STXBP5L: variants seen among roughly 807,000 people sequenced by gnomAD.
The protein encoded by STXBP5L is syntaxin-binding protein 5-like.
In STXBP5L, 65 loss-of-function variants were observed where a neutral mutation model predicts 144.5. That is an observed-to-expected ratio of 0.45 (90% CI 0.37 to 0.55). The LOEUF (loss-of-function observed/expected upper bound fraction) is 0.55, where lower values mean the gene tolerates loss of function less well. Among genes scored for constraint, STXBP5L ranks in the 20% least tolerant of loss-of-function variants. The probability of loss-of-function intolerance (pLI) is 0.00; values close to 1 mark genes in which losing one functional copy is unlikely to be tolerated. For missense variants in STXBP5L, 1,298 were observed against 1,405.5 expected (o/e 0.92, Z 1.22); for synonymous variants, 505 against 469.6 (o/e 1.08, Z -0.97).
At chr3:120,982,945 G>A (rs1303703617) in intron 3 of STXBP5L, among the ~76,000 whole-genome samples, 1 of 152,150 alleles carries the variant, frequency 6.6e-6, no homozygotes, top group Non-Finnish European at 1.5e-5. Flanking sequence ...GGAGTGGGCT[G>A]GTCCCCAGTC....
chr3:121,268,705 G>A (rs1193550757), intron 18 of STXBP5L, among the ~76,000 whole-genome samples: 5 of 151,910 alleles, frequency 3.3e-5, no homozygotes, highest in African/African-American at 4.8e-5. Context: ...GAAAAACCAC[G>A]GCCACTTTCT....
chr3:121,088,299 C>G (rs1401606078), intron 5 of STXBP5L, among the ~76,000 whole-genome samples: 1 of 119,900 alleles, frequency 8.3e-6, no homozygotes, highest in Non-Finnish European at 1.7e-5. Flanking sequence ...ACAGACACTT[C>G]TCAAAAGAAG....
chr3:121,311,987 A>G (rs977129919), intron 19 of STXBP5L, among the ~76,000 whole-genome samples: 1 of 152,246 alleles, frequency 6.6e-6, no homozygotes, highest in Non-Finnish European at 1.5e-5. Context: ...ACTGGTACCA[A>G]AACAGAGATA....
intron 19 of STXBP5L, among the ~76,000 whole-genome samples, chr3:121,307,098 A>G (rs111384932): frequency 1.3e-5 from 2 of 152,198 alleles, no homozygotes; most frequent in Non-Finnish European, 2.9e-5. Context: ...AAGTCTTCAC[A>G]ATGTAGAGGA....
At chr3:120,986,945 G>T (rs574658875) in intron 3 of STXBP5L, among the ~76,000 whole-genome samples, 2 of 152,032 alleles carry the variant, frequency 1.3e-5, no homozygotes, top group East Asian at 1.9e-4. Context: ...AGGGACCTGT[G>T]GGACACCATC....
At chr3:121,138,295 G>A (rs2045351903) in intron 7 of STXBP5L, among the ~76,000 whole-genome samples, 1 of 151,944 alleles carries the variant, frequency 6.6e-6, no homozygotes, top group Non-Finnish European at 1.5e-5. Flanking sequence ...CATATTCAAG[G>A]ATTAGGAGAA....
chr3:121,082,029 A>C (rs1297415834), intron 5 of STXBP5L, among the ~76,000 whole-genome samples: 1 of 152,218 alleles, frequency 6.6e-6, no homozygotes, highest in Non-Finnish European at 1.5e-5. Flanking sequence ...ACCATACAGT[A>C]AGCTTTAAAA....
chr3:121,374,746 A>G (rs1445051491), intron 20 of STXBP5L, among the ~76,000 whole-genome samples: 2 of 152,104 alleles, frequency 1.3e-5, no homozygotes, highest in Non-Finnish European at 2.9e-5. Flanking sequence ...GTCTTTTGAA[A>G]TAACCCAATC....
At chr3:121,315,135 G>A (rs935275218) in intron 19 of STXBP5L, among the ~76,000 whole-genome samples, 14 of 152,048 alleles carry the variant, frequency 9.2e-5, no homozygotes, top group African/African-American at 3.4e-4. Context: ...CCATTACTGG[G>A]TATATACCCA....
chr3:121,278,845 G>C (rs1412487501), intron 18 of STXBP5L, among the ~76,000 whole-genome samples: 1 of 151,262 alleles, frequency 6.6e-6, no homozygotes, highest in African/African-American at 2.4e-5. Flanking sequence ...AGTTTCCAAA[G>C]TTTGTCTTAC....
chr3:121,078,591 C>G (rs1254476805), intron 5 of STXBP5L, among the ~76,000 whole-genome samples: 2 of 152,234 alleles, frequency 1.3e-5, no homozygotes, highest in Non-Finnish European at 2.9e-5. Flanking sequence ...GGGTGGTGCT[C>G]TTTGGGGAGG....
chr3:121,198,666 G>A (rs2048016710), intron 9 of STXBP5L, among the ~76,000 whole-genome samples: 1 of 152,152 alleles, frequency 6.6e-6, no homozygotes, highest in African/African-American at 2.4e-5. Context: ...TTTGTATAAG[G>A]TGTAAGGAGT....
intron 7 of STXBP5L, among the ~76,000 whole-genome samples, chr3:121,149,697 A>G (rs952138691): frequency 6.6e-6 from 1 of 152,040 alleles, no homozygotes; most frequent in Non-Finnish European, 1.5e-5. Flanking sequence ...CCCATATAAA[A>G]TAGCAATAAG....
chr3:121,312,446 C>CTTTTTTTTTTTTTTTTTTTTTTT (rs58989280), intron 19 of STXBP5L, among the ~76,000 whole-genome samples: 3 of 12,752 alleles, frequency 2.4e-4, no homozygotes, highest in Admixed American at 2.0e-3. Context: ...GTATGTCAAT[C>CTTTTTTTTTTTTTTTTTTTTTTT]TTTTTTTTTT....
intron 9 of STXBP5L, among the ~76,000 whole-genome samples, chr3:121,191,425 G>T (rs2047677805): frequency 6.6e-6 from 1 of 152,194 alleles, no homozygotes. Flanking sequence ...TGCAATCCCA[G>T]GCATTCGGCA....
intron 7 of STXBP5L, among the ~76,000 whole-genome samples, chr3:121,139,667 C>T (rs930072132): frequency 6.6e-6 from 1 of 152,016 alleles, no homozygotes; most frequent in Admixed American, 6.6e-5. Context: ...ACATTAACCT[C>T]ATCACCATCA....
chr3:121,136,701 A>G (rs2045271779), intron 7 of STXBP5L, among the ~76,000 whole-genome samples: 1 of 152,220 alleles, frequency 6.6e-6, no homozygotes, highest in Non-Finnish European at 1.5e-5. Flanking sequence ...CAGAGCTACC[A>G]TTTGATCCAA....
At chr3:121,179,383 A>G (rs2047054059) in intron 9 of STXBP5L, among the ~76,000 whole-genome samples, 1 of 152,188 alleles carries the variant, frequency 6.6e-6, no homozygotes, top group Non-Finnish European at 1.5e-5. Flanking sequence ...TAAAAGTATG[A>G]TCCATAAGAG....
intron 3 of STXBP5L, among the ~76,000 whole-genome samples, chr3:120,992,505 G>A (rs1576597724): frequency 6.6e-6 from 1 of 151,858 alleles, no homozygotes; most frequent in East Asian, 1.9e-4. Context: ...CTACCTTCAT[G>A]AGATCAATTT....
Sources: allele counts gnomAD v4.1 joint callset (sites outside exome capture counted in the v4.1 genomes callset), GRCh38; gene constraint gnomAD v4.1.1; transcripts MANE v1.5; gene names NCBI Gene and HGNC (gene_info 2026-07-23, HGNC 2026-07-21).